Variants in EPB41L1 observed in about 807,000 individuals in gnomAD.
EPB41L1 encodes the protein erythrocyte membrane protein band 4.1 like 1, also known as band 4.1-like protein 1.
EPB41L1 carries 29 observed loss-of-function variants against 97.8 expected under a neutral mutation model. The ratio of observed to expected loss-of-function variants is 0.30; its 90% CI spans 0.22 to 0.40. The LOEUF (loss-of-function observed/expected upper bound fraction) is 0.40. Among genes scored for constraint, EPB41L1 ranks in the 10% least tolerant of loss-of-function variants. The pLI is 1.00. For synonymous variants in EPB41L1, 383 were observed against 459.2 expected (o/e 0.83, Z 2.12); for missense variants, 812 against 1,162.3 (o/e 0.70, Z 4.38).
intron 1 of EPB41L1, among the ~76,000 whole-genome samples, chr20:36,094,427 TTGACTGTGATACAA>T (rs1264962091): frequency 6.6e-6 from 1 of 152,204 alleles, no homozygotes; most frequent in Non-Finnish European, 1.5e-5. Context: ...AGGTTGGATT[TTGACTGTGATACAA>T]GGGTAGAGAG....
intron 14 of EPB41L1, chr20:36,206,000 T>C: frequency 7.8e-7 from 1 of 1,289,844 alleles, no homozygotes; most frequent in Non-Finnish European, 1.0e-6. Flanking sequence ...GACGTTCTGG[T>C]GGACAAGTTC....
At chr20:36,224,201 C>G (rs1198784024) in intron 21 of EPB41L1, among the ~76,000 whole-genome samples, 4 of 152,036 alleles carry the variant, frequency 2.6e-5, no homozygotes, top group Non-Finnish European at 4.4e-5. Context: ...TTGAAATTGG[C>G]TAGTCTAAAA....
At chr20:36,200,006 A>G (rs916895547) in intron 14 of EPB41L1, among the ~76,000 whole-genome samples, 1 of 152,178 alleles carries the variant, frequency 6.6e-6, no homozygotes, top group African/African-American at 2.4e-5. Flanking sequence ...AGCCGCAAGA[A>G]GTATAGTCCA....
chr20:36,139,021 A>G (rs1289561938), intron 2 of EPB41L1, among the ~76,000 whole-genome samples: 1 of 152,176 alleles, frequency 6.6e-6, no homozygotes, highest in Non-Finnish European at 1.5e-5. Flanking sequence ...CTTTCTAATC[A>G]TGGTCCTCTG....
At chr20:36,222,887 T>G (rs1266966824) in intron 21 of EPB41L1, among the ~76,000 whole-genome samples, 1 of 152,130 alleles carries the variant, frequency 6.6e-6, no homozygotes, top group Non-Finnish European at 1.5e-5. Flanking sequence ...CCCTTTTGTC[T>G]TGCTTGATTG....
At chr20:36,188,059 G>A (rs920661162) in intron 8 of EPB41L1, among the ~76,000 whole-genome samples, 2 of 152,168 alleles carry the variant, frequency 1.3e-5, no homozygotes, top group African/African-American at 4.8e-5. Context: ...CACATAGCCT[G>A]GCACCAAGTG....
chr20:36,134,543 T>C (rs2059342655), intron 2 of EPB41L1, among the ~76,000 whole-genome samples: 1 of 152,220 alleles, frequency 6.6e-6, no homozygotes, highest in African/African-American at 2.4e-5. Flanking sequence ...CCTAGTTTTT[T>C]CTATTACATT....
Position 36,113,071 on chromosome 20 carries a change from G to T in EPB41L1, c.-10+591G>T, listed in dbSNP as rs549638343. 2.6e-5 allele frequency among the ~76,000 whole-genome samples: 4 copies of T among 152,346 alleles called. No individual in the cohort carries two copies. The East Asian group carries it at 7.7e-4, about 29-fold the overall frequency. On this transcript the variant is annotated intron_variant, in intron 2 of 19. Transcript: ENST00000202028. The stretch of plus-strand genomic sequence containing the variant: ...TAAAGGGGTTGCAGTGTGGGTTGGA[G>T]TTGGCGTGGGGCTGGCCAATTCCTC...
chr20:36,206,878 C>T lies in EPB41L1; in HGVS notation c.1669-2610C>T, dbSNP rs1438269540. The T allele has an allele frequency of 1.2e-5, 15 of 1,289,786 alleles. No individual in the cohort carries two copies. Among genetic ancestry groups the T allele is most frequent in the Non-Finnish European group, 1.5e-5 (15 of 988,896 alleles). The allele number at this position is 1,289,786 out of a possible 1,614,324, so 79.9% of individuals were successfully genotyped here. A position where few individuals can be genotyped will look rare whatever the true frequency, so the allele number is the denominator to read the frequency against. The stretch of plus-strand genomic sequence containing the variant: ...TCCCACAGAGGAACTGAAGAAGCAC[C>T]CTCCTCACAGAGGACAGGGCGTGCA... On this transcript the variant is annotated intron_variant, in intron 14 of 21. Coordinates refer to ENST00000338074, the MANE Select transcript of EPB41L1 (RefSeq NM_012156.2). The surrounding 1 kb of genome is among the most constrained non-coding windows in gnomAD (Gnocchi z 5.5).
At chr20:36,117,334 C>T (rs183644889) in intron 2 of EPB41L1, among the ~76,000 whole-genome samples, 87 of 152,318 alleles carry the variant, frequency 5.7e-4, no homozygotes, top group African/African-American at 2.0e-3. Context: ...GTGACTCTTA[C>T]AGTCTCTGGA....
Position 36,214,378 on chromosome 20 carries a change from G to T in EPB41L1, c.2206G>T (p.Val736Leu). 1 of 1,613,888 alleles carries T rather than the reference G, an allele frequency of 6.2e-7. No homozygotes were observed. Among genetic ancestry groups the T allele is most frequent in the Non-Finnish European group, 8.5e-7 (1 of 1,179,956 alleles). The change falls in exon 17 of 22, where the codon GTG becomes TTG. Residue 736 changes from valine to leucine, a missense_variant. By Grantham distance (32) the Val-to-Leu change is conservative. This residue lies in a region of EPB41L1 where 498 missense variants were observed against 622.7 expected (regional missense o/e 0.80). Coordinates refer to ENST00000338074, the MANE Select transcript of EPB41L1 (RefSeq NM_012156.2). ...NTQQVDGSAS[V>L]GREFIATTPS... ...TCAGCAGGTTGATGGGAGTGCCTCA[G>T]TGGGGAGGGAGTTCATAGCAACCAC...
chr20:36,201,537 C>T (rs961276773), intron 14 of EPB41L1, among the ~76,000 whole-genome samples: 1 of 152,216 alleles, frequency 6.6e-6, no homozygotes, highest in Non-Finnish European at 1.5e-5. Context: ...TTCCAGGCAT[C>T]TCCGGCCTGC....
chr20:36,208,407 A>T, intron 14 of EPB41L1: 1 of 436,956 alleles, frequency 2.3e-6, no homozygotes. Context: ...TCGGGCCCTC[A>T]GGTCTCTGCA....
chr20:36,218,148 T>G (rs1440220900), intron 17 of EPB41L1, among the ~76,000 whole-genome samples: 1 of 151,836 alleles, frequency 6.6e-6, no homozygotes, highest in African/African-American at 2.4e-5. Flanking sequence ...GGACTTGGAG[T>G]CAGACAACAT....
intron 9 of EPB41L1, among the ~76,000 whole-genome samples, chr20:36,189,438 C>G: frequency 6.6e-6 from 1 of 152,218 alleles, no homozygotes; most frequent in Non-Finnish European, 1.5e-5. Flanking sequence ...CACACTGCCC[C>G]ATGCCCAAGG....
At chr20:36,178,246 C>T (rs1016585362) in intron 4 of EPB41L1, among the ~76,000 whole-genome samples, 190 bp downstream of exon 4, 1 of 152,214 alleles carries the variant, frequency 6.6e-6, no homozygotes, top group African/African-American at 2.4e-5. Context: ...ACAGGTCACC[C>T]CCAGATGAGA....
chr20:36,218,350 CATT>C (rs1324984459), intron 17 of EPB41L1, among the ~76,000 whole-genome samples: 1 of 152,128 alleles, frequency 6.6e-6, no homozygotes. Context: ...CTCAGAAAGT[CATT>C]ATTATTATTA....
chr20:36,140,232 T>G (rs963273562), intron 2 of EPB41L1, among the ~76,000 whole-genome samples: 6 of 131,898 alleles, frequency 4.5e-5, no homozygotes, highest in South Asian at 4.9e-4. Flanking sequence ...TTTTTGTATG[T>G]TTTTTTTTTT....
chr20:36,138,765 C>A (rs976622709), intron 2 of EPB41L1, among the ~76,000 whole-genome samples: 13 of 152,330 alleles, frequency 8.5e-5, no homozygotes, highest in Non-Finnish European at 1.9e-4. Context: ...AGCTTTGGAA[C>A]ATGCACTGGA....
Sources: gnomAD v4.1 joint callset for allele counts (sites outside exome capture counted in the v4.1 genomes callset) on GRCh38, gnomAD v4.1.1 for gene constraint, gnomAD v4.1.1 regional missense constraint, Gnocchi (gnomAD v3.1) non-coding constraint, MANE v1.5 for transcripts, NCBI Gene and HGNC (gene_info 2026-07-23, HGNC 2026-07-21) for gene names.